The following CCSER1 variants were observed in gnomAD, a reference collection of about 807,000 sequenced individuals.
CCSER1 encodes the protein coiled-coil serine rich protein 1.
CCSER1 carries 41 observed loss-of-function variants against 82.0 expected under a neutral mutation model. That is an observed-to-expected ratio of 0.50 (90% CI 0.39 to 0.65). CCSER1 has a LOEUF of 0.65. CCSER1 is among the 30% of genes least tolerant of loss of function. The pLI is 0.00. For missense variants in CCSER1, 1,119 were observed against 1,064.2 expected, an observed-to-expected ratio of 1.05 and a Z score of -0.72; for synonymous variants, 414 against 383.9, an observed-to-expected ratio of 1.08 and a Z score of -0.92.
intron 5 of CCSER1, among the ~76,000 whole-genome samples, chr4:90,485,584 T>G (rs940333295): frequency 6.7e-6 from 1 of 148,732 alleles, no homozygotes; most frequent in Non-Finnish European, 1.5e-5. Context: ...GTTATGTAGG[T>G]AAACATATAC....
intron 3 of CCSER1, among the ~76,000 whole-genome samples, chr4:90,380,871 C>A (rs564616410): frequency 1.3e-5 from 2 of 152,284 alleles, no homozygotes; most frequent in East Asian, 3.9e-4. Flanking sequence ...CTTCTCCCTG[C>A]TCCCAAAGAG....
At chr4:91,238,901 G>T (rs921921546) in intron 10 of CCSER1, among the ~76,000 whole-genome samples, 1 of 151,262 alleles carries the variant, frequency 6.6e-6, no homozygotes, top group Non-Finnish European at 1.5e-5. Context: ...TCAGCTCACC[G>T]CAACCTCTGC....
intron 6 of CCSER1, chr4:90,663,845 G>T: frequency 5.7e-6 from 2 of 353,370 alleles, no homozygotes; most frequent in South Asian, 2.3e-5. Flanking sequence ...TTACTTATAG[G>T]TTCACTTGTC....
chr4:90,738,759 G>A (rs774099042), intron 7 of CCSER1, among the ~76,000 whole-genome samples: 5 of 152,128 alleles, frequency 3.3e-5, no homozygotes, highest in Non-Finnish European at 7.4e-5. Flanking sequence ...ACTACCCCAG[G>A]CCTAGGGTGA....
intron 5 of CCSER1, among the ~76,000 whole-genome samples, chr4:90,487,915 C>T (rs1446002640): frequency 2.6e-5 from 4 of 152,160 alleles, no homozygotes; most frequent in African/African-American, 7.2e-5. Context: ...GCTGTGATTA[C>T]AGGCATGAGC....
At chr4:90,712,161 T>G (rs1422182561) in intron 6 of CCSER1, among the ~76,000 whole-genome samples, 1 of 152,060 alleles carries the variant, frequency 6.6e-6, no homozygotes, top group Non-Finnish European at 1.5e-5. Context: ...GCTCTGATTT[T>G]GGTTATTTCT....
intron 9 of CCSER1, among the ~76,000 whole-genome samples, chr4:90,952,473 A>G (rs895535645): frequency 6.6e-6 from 1 of 152,028 alleles, no homozygotes; most frequent in African/African-American, 2.4e-5. Flanking sequence ...CCAGGTTAAT[A>G]TTGCCAAGGA....
chr4:90,600,461 T>C (rs1783898578), intron 5 of CCSER1, among the ~76,000 whole-genome samples: 1 of 152,296 alleles, frequency 6.6e-6, no homozygotes, highest in Admixed American at 6.5e-5. Context: ...ATTTGCTATC[T>C]GTATATCTTC....
intron 10 of CCSER1, among the ~76,000 whole-genome samples, chr4:91,595,508 A>G (rs1242259719): frequency 1.3e-5 from 2 of 152,138 alleles, no homozygotes; most frequent in East Asian, 3.9e-4. Flanking sequence ...TAGTTACATT[A>G]TATTGTTACT....
chr4:90,966,329 A>G (rs867373869), intron 9 of CCSER1, among the ~76,000 whole-genome samples: 1 of 151,368 alleles, frequency 6.6e-6, no homozygotes, highest in African/African-American at 2.4e-5. Context: ...AAAGACAAAG[A>G]AAAAAAAATG....
intron 10 of CCSER1, among the ~76,000 whole-genome samples, chr4:91,524,282 A>G (rs1184461417): frequency 6.6e-6 from 1 of 152,060 alleles, no homozygotes; most frequent in Non-Finnish European, 1.5e-5. Context: ...TCTTTTTTTG[A>G]AGGAGTATTT....
intron 10 of CCSER1, among the ~76,000 whole-genome samples, chr4:91,578,765 C>T (rs1763582107): frequency 1.3e-5 from 2 of 151,776 alleles, no homozygotes; most frequent in Non-Finnish European, 2.9e-5. Flanking sequence ...ATATCTTTTT[C>T]CCATTGTATT....
Position 90,904,322 on chromosome 4 carries a change from CT to C in CCSER1, c.2095-19046del, listed in dbSNP as rs1441912835. Among the ~76,000 whole-genome samples the C allele has an allele frequency of 3.3e-5, 5 of 152,260 alleles. No homozygotes were observed. In the East Asian group the frequency reaches 9.6e-4, roughly 29 times the overall value. ...CATTTGTGCTGTTCTTTAATTTTGT[CT>C]TCTTTGCTTCCTGTTTTCTTTCTTT... On this transcript the variant is annotated intron_variant, in intron 8 of 10. Coordinates refer to ENST00000509176, the MANE Select transcript of CCSER1 (RefSeq NM_001145065.2).
In CCSER1 at chr4:90,811,647, C is replaced by T. The variant is rs1361896950; in HGVS notation, c.2011-4115C>T. On this transcript the variant is annotated intron_variant, in intron 7 of 10. Coordinates refer to ENST00000509176, the MANE Select transcript of CCSER1 (RefSeq NM_001145065.2). ...TGGTTCAAAGTGAGTAGCAGCTGAG[C>T]GTATATGATGGCTTCCTGATTATTA... Among the ~76,000 whole-genome samples the T allele has an allele frequency of 5.3e-5, 8 of 152,010 alleles. No homozygotes were observed. In the East Asian group the frequency reaches 5.8e-4, roughly 11 times the overall value.
intron 10 of CCSER1, among the ~76,000 whole-genome samples, chr4:91,540,232 C>T (rs929839882): frequency 1.3e-5 from 2 of 152,054 alleles, no homozygotes; most frequent in Non-Finnish European, 2.9e-5. Flanking sequence ...TTGATGCATC[C>T]TTATCACTCA....
chr4:90,619,490 G>A (rs1202582646), intron 5 of CCSER1, among the ~76,000 whole-genome samples: 2 of 151,934 alleles, frequency 1.3e-5, no homozygotes, highest in African/African-American at 2.4e-5. Flanking sequence ...AGGAAGACCC[G>A]CCAACCTGTG....
At chr4:90,817,976 T>C (rs1419991877) in intron 8 of CCSER1, among the ~76,000 whole-genome samples, 2 of 152,166 alleles carry the variant, frequency 1.3e-5, no homozygotes, top group Non-Finnish European at 2.9e-5. Flanking sequence ...CCCTACTATA[T>C]ACTACAGGTT....
At chr4:91,548,630 T>G (rs532819722) in intron 10 of CCSER1, among the ~76,000 whole-genome samples, 1 of 152,026 alleles carries the variant, frequency 6.6e-6, no homozygotes, top group Non-Finnish European at 1.5e-5. Flanking sequence ...TGGTATGTAA[T>G]TCTAGGTTTG....
intron 10 of CCSER1, among the ~76,000 whole-genome samples, chr4:91,405,237 T>C (rs535106702): frequency 1.8e-4 from 27 of 152,214 alleles, no homozygotes; most frequent in Non-Finnish European, 3.5e-4. Flanking sequence ...TTTTTTTTGT[T>C]TTCCATTTGC....
Sources: allele counts gnomAD v4.1 joint callset (sites outside exome capture counted in the v4.1 genomes callset), GRCh38; gene constraint gnomAD v4.1.1; transcripts MANE v1.5; gene names NCBI Gene and HGNC (gene_info 2026-07-23, HGNC 2026-07-21).